The following FAM83G variants were observed in gnomAD, a reference collection of about 807,000 sequenced individuals.
FAM83G encodes the protein protein FAM83G.
FAM83G carries 38 observed loss-of-function variants against 61.5 expected under a neutral mutation model. The ratio of observed to expected loss-of-function variants is 0.62; its 90% CI spans 0.48 to 0.81. The LOEUF (loss-of-function observed/expected upper bound fraction) is 0.81, where lower values mean the gene tolerates loss of function less well. Among genes scored for constraint, FAM83G ranks in the 30% least tolerant of loss-of-function variants. The probability of loss-of-function intolerance (pLI) is 0.00; values close to 1 mark genes in which losing one functional copy is unlikely to be tolerated. For missense variants in FAM83G, 989 were observed against 1,133.6 expected (o/e 0.87, Z 1.83); for synonymous variants, 470 against 476.1 (o/e 0.99, Z 0.17).
chr17:19,005,153 G>T (rs1350662484), upstream of FAM83G, among the ~76,000 whole-genome samples: 1 of 152,226 alleles, frequency 6.6e-6, no homozygotes, highest in Non-Finnish European at 1.5e-5. Context: ...GTGGAAACAG[G>T]TCTAGGGTAC....
At chr17:18,985,085 C>T (rs1267191230) in intron 3 of FAM83G, among the ~76,000 whole-genome samples, 2 of 152,214 alleles carry the variant, frequency 1.3e-5, no homozygotes, top group Admixed American at 6.5e-5. Context: ...GGGTGAACCA[C>T]AGCCAGACCC....
At position 18,979,382 on chromosome 17, in the gene FAM83G, G is replaced by A. The variant is rs1014776730; in HGVS notation, c.815+167C>T. On this transcript the variant is annotated intron_variant, in intron 4 of 5. Transcript: ENST00000388995. Reference sequence around the variant, plus strand: ...GCGTCCTCAGACAAAGCCCTTCTCTGCCTGCCTCCAGAGACAGACAGGCGG... The same window carrying A: ...GCGTCCTCAGACAAAGCCCTTCTCTACCTGCCTCCAGAGACAGACAGGCGG... The A allele has an allele frequency of 1.3e-5, 11 of 821,632 alleles. No homozygotes were observed. In the African/African-American group the frequency reaches 1.6e-4, roughly 12 times the overall value. 50.9% of individuals were successfully genotyped at this position (821,632 alleles called of 1,614,324 possible).
rs774547171 is a variant in FAM83G, at chr17:18,971,580, C to G, written c.2251G>C (p.Val751Leu). The G allele has an allele frequency of 1.2e-6, 2 of 1,613,604 alleles. No individual in the cohort carries two copies. Among genetic ancestry groups the G allele is most frequent in the African/African-American group, 1.3e-5 (1 of 75,040 alleles). Residue 751 changes from valine (V) to leucine (L), a missense_variant, in exon 6 of 6, where the codon GTA becomes CTA. Val to Leu is a conservative substitution (Grantham distance 32). This residue lies in a region of FAM83G where 574 missense variants were observed against 645.1 expected (regional missense o/e 0.89). Transcript: ENST00000388995. The surrounding 1 kb of genome is among the most constrained non-coding windows in gnomAD (Gnocchi z 5.5). Reference protein sequence around the residue: ...PHHWQAKGGQVPRLLPDPGSP... With the variant: ...PHHWQAKGGQLPRLLPDPGSP... ...CCGGGATCCGGAAGCAGGCGGGGTA[C>G]CTGACCTCCCTTGGCCTGCCAGTGG...
chr17:18,991,130 C>T (rs1386036375), intron 2 of FAM83G, among the ~76,000 whole-genome samples: 1 of 152,240 alleles, frequency 6.6e-6, no homozygotes, highest in East Asian at 1.9e-4. Flanking sequence ...GAGGCATTCG[C>T]CACCTTGCCT....
chr17:19,000,999 A>G lies in FAM83G; in HGVS notation c.522+2521T>C, dbSNP rs1031986061. On this transcript the variant is annotated intron_variant, in intron 2 of 5. Coordinates refer to ENST00000388995, the MANE Select transcript of FAM83G (RefSeq NM_001039999.3). The surrounding 1 kb of genome is among the most constrained non-coding windows in gnomAD (Gnocchi z 5.2). ...CTCTGTCCTGCCAGGGCCAGGGCAC[A>G]AGGGATAGCCTAGAGTTTGAGGGAA... Among the ~76,000 whole-genome samples the G allele has an allele frequency of 1.3e-5, 2 of 152,162 alleles. No homozygotes were observed. The highest frequency in any genetic ancestry group is 2.9e-5 in the Non-Finnish European group (2 of 68,010).
In FAM83G at chr17:18,971,830, G is replaced by A. The variant is rs2042863950; in HGVS notation, c.2083-82C>T. ...CACAGGACCCTGCTCAGGCACACAG[G>A]AGCCGGCAGGCCCGGGTTCGCCTCC... On this transcript the variant is annotated intron_variant, in intron 5 of 5. Transcript: ENST00000388995. This position sits in a 1 kb window ranked among gnomAD's most constrained non-coding sequence, Gnocchi z 5.5. The A allele has an allele frequency of 6.8e-7, 1 of 1,463,890 alleles. No homozygotes were observed. The highest frequency in any genetic ancestry group is 1.4e-5 in the South Asian group (1 of 71,424). 90.7% of individuals were successfully genotyped at this position (1,463,890 alleles called of 1,614,324 possible).
chr17:18,990,580 C>T (rs775233084), intron 2 of FAM83G, among the ~76,000 whole-genome samples: 3 of 152,104 alleles, frequency 2.0e-5, no homozygotes, highest in Non-Finnish European at 2.9e-5. Flanking sequence ...CAGCAGGACC[C>T]GCACCATGTG....
chr17:19,002,386 C>T (rs963074273), intron 2 of FAM83G, among the ~76,000 whole-genome samples: 8 of 152,354 alleles, frequency 5.3e-5, no homozygotes, highest in African/African-American at 1.9e-4. Context: ...CCAGGGGCCA[C>T]CTCACCAGTT....
intron 5 of FAM83G, among the ~76,000 whole-genome samples, chr17:18,974,843 G>C (rs751656741): frequency 8.5e-5 from 13 of 152,170 alleles, no homozygotes; most frequent in Non-Finnish European, 1.9e-4. Context: ...AGGGAAGAGC[G>C]CCTGGCTGGG....
chr17:18,983,594 G>A (rs777780048), intron 3 of FAM83G, among the ~76,000 whole-genome samples: 18 of 152,338 alleles, frequency 1.2e-4, no homozygotes, highest in Middle Eastern at 3.4e-3. Context: ...GGCCTAGTGT[G>A]AGGAATGCAA....
In FAM83G at chr17:18,979,686, C is replaced by A. The variant is rs766396189; in HGVS notation, c.691-13G>T. 1.2e-6 allele frequency: 2 copies of A among 1,612,802 alleles called. No homozygotes were observed. Among genetic ancestry groups the A allele is most frequent in the Non-Finnish European group, 1.7e-6 (2 of 1,179,796 alleles). On this transcript the variant is annotated splice_polypyrimidine_tract_variant and intron_variant, in intron 3 of 5. Coordinates refer to ENST00000388995, the MANE Select transcript of FAM83G (RefSeq NM_001039999.3). ...GCACTCTGAGATTCTGTTTTGGGAACCAAGAGACAGAATTACACGACTGCA... is the reference window on the plus strand; with the variant it reads ...GCACTCTGAGATTCTGTTTTGGGAAACAAGAGACAGAATTACACGACTGCA...
At chr17:18,992,572 GC>G (rs1159959828) in intron 2 of FAM83G, among the ~76,000 whole-genome samples, 1 of 152,216 alleles carries the variant, frequency 6.6e-6, no homozygotes, top group East Asian at 1.9e-4. Context: ...ACAGGCGTGG[GC>G]CTCCTCAATC....
intron 4 of FAM83G, 62 bp from the exon 5 acceptor site, chr17:18,978,912 G>GT: frequency 6.4e-7 from 1 of 1,573,704 alleles, no homozygotes; most frequent in Non-Finnish European, 8.7e-7. Flanking sequence ...CCCAGCCCCC[G>GT]TGCACCCATA....
At chr17:18,972,932 T>C (rs1159982900) in intron 5 of FAM83G, among the ~76,000 whole-genome samples, 1 of 150,618 alleles carries the variant, frequency 6.6e-6, no homozygotes, top group Non-Finnish European at 1.5e-5. Flanking sequence ...AGGCTGGGCC[T>C]CAGTTTCCCC....
intron 5 of FAM83G, among the ~76,000 whole-genome samples, chr17:18,973,021 C>G (rs543250678): frequency 2.0e-5 from 3 of 152,250 alleles, no homozygotes; most frequent in African/African-American, 7.2e-5. Context: ...ATCCGCCATG[C>G]CTCATGGGAG....
In FAM83G at chr17:18,988,262, G is replaced by A; in HGVS notation, c.675C>T (p.His225=). The change falls in exon 3 of 6, where the codon CAC becomes CAT. Residue 225 remains histidine, a synonymous_variant. Transcript: ENST00000388995. ...GCCTGCTCACCTTGAGGTGCCCCAG[G>A]TGCATGCAGGCCCGCTCACACATGT... ...FLHMCERACM[H]LGHLKNLRVR... 2 of 1,609,950 alleles carry A rather than the reference G, an allele frequency of 1.2e-6. No homozygotes were observed. The highest frequency in any genetic ancestry group is 2.2e-5 in the East Asian group (1 of 44,740).
At chr17:18,987,391 G>A (rs2043297362) in intron 3 of FAM83G, among the ~76,000 whole-genome samples, 1 of 152,228 alleles carries the variant, frequency 6.6e-6, no homozygotes, top group Non-Finnish European at 1.5e-5. Flanking sequence ...CCTGGCGCAC[G>A]GCCAATGCAA....
upstream of FAM83G, among the ~76,000 whole-genome samples, chr17:19,005,151 A>G (rs1200159524): frequency 6.6e-6 from 1 of 152,164 alleles, no homozygotes; most frequent in Non-Finnish European, 1.5e-5. Context: ...TTGTGGAAAC[A>G]GGTCTAGGGT....
rs368967053 is a variant in FAM83G, at chr17:18,978,911, C to A, written c.816-61G>T. ...GACCCTGCTTCCTCCGCCCAGCCCC[C>A]GTGCACCCATAGCCGCTGGGCCTCA... is the stretch of plus-strand genomic sequence containing the variant. On this transcript the variant is annotated intron_variant, in intron 4 of 5. Transcript: ENST00000388995. 79 of 1,576,566 alleles carry A rather than the reference C, an allele frequency of 5.0e-5. No homozygotes were observed. In the East Asian group the frequency reaches 8.8e-4, roughly 18 times the overall value.
Sources: allele counts gnomAD v4.1 joint callset (sites outside exome capture counted in the v4.1 genomes callset), GRCh38; gene constraint gnomAD v4.1.1; regional missense constraint gnomAD v4.1.1; non-coding constraint Gnocchi (gnomAD v3.1); transcripts MANE v1.5; gene names NCBI Gene and HGNC (gene_info 2026-07-23, HGNC 2026-07-21).